The following CNGA2 variants were observed in gnomAD, a reference collection of about 807,000 sequenced individuals.
CNGA2 encodes the protein cyclic nucleotide gated channel subunit alpha 2, also known as cyclic nucleotide-gated channel alpha-2.
CNGA2 carries 22 observed loss-of-function variants against 35.9 expected under a neutral mutation model. That is an observed-to-expected ratio of 0.61 (90% CI 0.44 to 0.88). The LOEUF is 0.88. Ranked by LOEUF, CNGA2 falls within the 40% of genes least tolerant of loss-of-function variation. The probability of loss-of-function intolerance (pLI) is 0.00; values close to 1 mark genes in which losing one functional copy is unlikely to be tolerated. For synonymous variants in CNGA2, 217 were observed against 209.2 expected (o/e 1.04, Z -0.32); for missense variants, 555 against 530.8 (o/e 1.05, Z -0.45).
chrX:151,742,566 C>A lies in CNGA2; in HGVS notation c.513C>A (p.Tyr171Ter). The change falls in exon 6 of 7, where the codon TAC (tyrosine) becomes TAA (stop). Residue 171 changes from tyrosine (Y) to a stop codon, truncating the protein, a stop_gained. Coordinates refer to ENST00000329903, the MANE Select transcript of CNGA2 (RefSeq NM_005140.3). LOFTEE classifies it high-confidence loss of function. ...GCTTCAGTGACCTACAGAAAGGCTA[C>A]TACCTGGTGTGGCTGGTGCTGGATT... Reference protein sequence around the residue: ...RACFSDLQKGYYLVWLVLDYV... With the variant: ...RACFSDLQKG The A allele has an allele frequency of 8.3e-7, 1 of 1,210,222 alleles. No homozygotes were observed.
At chrX:151,740,030 G>A (rs751544626) in intron 4 of CNGA2, among the ~76,000 whole-genome samples, 15 of 112,479 alleles carry the variant, frequency 1.3e-4, no homozygotes, top group Non-Finnish European at 2.4e-4. Flanking sequence ...AGGAAATACT[G>A]AGAGGGTGCA....
In CNGA2 at chrX:151,743,566, T is replaced by G; in HGVS notation, c.1063T>G (p.Phe355Val). ...GGATGAGGAGTACCTATTTGTCATCTTTGACTTCCTGATTGGCGTCCTCAT... is the reference window on the plus strand; with the variant it reads ...GGATGAGGAGTACCTATTTGTCATCGTTGACTTCCTGATTGGCGTCCTCAT... ...VKDEEYLFVIFDFLIGVLIFA... is the reference protein window; with the variant it reads ...VKDEEYLFVIVDFLIGVLIFA... The change falls in exon 7 of 7, where the codon TTT becomes GTT. Residue 355 changes from phenylalanine to valine, a missense_variant. Coordinates refer to ENST00000329903, the MANE Select transcript of CNGA2 (RefSeq NM_005140.3). 8.3e-7 allele frequency: 1 copy of G among 1,211,468 alleles called. No homozygotes were observed. The highest frequency in any genetic ancestry group is 1.8e-5 in the South Asian group (1 of 56,932).
In CNGA2 at chrX:151,744,001, G is replaced by A; in HGVS notation, c.1498G>A (p.Ala500Thr). 2 of 1,211,660 alleles carry A rather than the reference G, an allele frequency of 1.7e-6. No homozygotes were observed. Among genetic ancestry groups the A allele is most frequent in the Non-Finnish European group, 2.2e-6 (2 of 895,533 alleles). ...GTACATCATTAAGGAGGGCAAACTG[G>A]CAGTGGTGGCTGATGATGGTGTGAC... ...EMYIIKEGKL[A>T]VVADDGVTQY... The change falls in exon 7 of 7, where the codon GCA becomes ACA. Residue 500 changes from alanine to threonine, a missense_variant. Coordinates refer to ENST00000329903, the MANE Select transcript of CNGA2 (RefSeq NM_005140.3).
chrX:151,740,891 C>T lies in CNGA2; in HGVS notation c.472C>T (p.Leu158=), dbSNP rs772623087. The T allele has an allele frequency of 8.3e-7, 1 of 1,209,003 alleles. No individual in the cohort carries two copies. Among genetic ancestry groups the T allele is most frequent in the Admixed American group, 2.2e-5 (1 of 46,043 alleles). ...GCCCGTCCTTTACAACTGGTGCCTGCTGGTGGCCAGGTGAGCAGGGTGGGG... is the reference window on the plus strand; with the variant it reads ...GCCCGTCCTTTACAACTGGTGCCTGTTGGTGGCCAGGTGAGCAGGGTGGGG... ...AMPVLYNWCL[L]VARACFSDLQ... Residue 158 remains leucine, a synonymous_variant, in exon 5 of 7, where the codon CTG becomes TTG. Coordinates refer to ENST00000329903, the MANE Select transcript of CNGA2 (RefSeq NM_005140.3).
rs59356030 is a variant in CNGA2 at position 151,744,358 on chromosome X, C to T, written c.1855C>T (p.Leu619=). Reference sequence around the variant, plus strand: ...CTTGTACACTCGCTTTGGCCGCCTGCTGGCTGAGTACACGGGGGCCCAGCA... The same window carrying T: ...CTTGTACACTCGCTTTGGCCGCCTGTTGGCTGAGTACACGGGGGCCCAGCA... ...ETLYTRFGRL[L]AEYTGAQQKL... is the part of the protein sequence containing the mutation. Residue 619 remains leucine, a synonymous_variant, in exon 7 of 7, where the codon CTG becomes TTG. Coordinates refer to ENST00000329903, the MANE Select transcript of CNGA2 (RefSeq NM_005140.3). 3,374 of 1,208,986 alleles carry T rather than the reference C, an allele frequency of 2.8e-3. 69 individuals carry two copies. The African/African-American group carries it at 0.051, about 18-fold the overall frequency.
Position 151,744,512 on chromosome X carries a change from A to G in CNGA2, c.*14A>G, listed in dbSNP as rs1393229866. On this transcript the variant is annotated 3_prime_UTR_variant, in exon 7 of 7. Transcript: ENST00000329903. ...GACGAGCCATAAGACCTGGGGCCCAACTGCCTCTCCAGCATTGGCCTTGGC... is the reference window on the plus strand; with the variant it reads ...GACGAGCCATAAGACCTGGGGCCCAGCTGCCTCTCCAGCATTGGCCTTGGC... 4.4e-6 allele frequency: 5 copies of G among 1,145,265 alleles called. No individual in the cohort carries two copies. The South Asian group carries it at 6.1e-5, about 14-fold the overall frequency. The allele number at this position is 1,145,265 out of a possible 1,213,427, so 94.4% of individuals were successfully genotyped here. A position where few individuals can be genotyped will look rare whatever the true frequency, so the allele number is the denominator to read the frequency against.
rs2015281807 is a variant in CNGA2, at chrX:151,739,547, T to G, written c.204-15T>G. The G allele has an allele frequency of 1.7e-6, 2 of 1,205,037 alleles. No homozygotes were observed. The highest frequency in any genetic ancestry group is 2.2e-6 in the Non-Finnish European group (2 of 891,028). Reference sequence around the variant, plus strand: ...GTCTTGGCTCTGGCTCATACTCTTTTTCTCTCACCTCTAGGATAGTTCGCC... The same window carrying G: ...GTCTTGGCTCTGGCTCATACTCTTTGTCTCTCACCTCTAGGATAGTTCGCC... On this transcript the variant is annotated splice_polypyrimidine_tract_variant and intron_variant, in intron 3 of 6. Coordinates refer to ENST00000329903, the MANE Select transcript of CNGA2 (RefSeq NM_005140.3).
chrX:151,742,925 G>GATATATATATAT (rs34829464), intron 6 of CNGA2, among the ~76,000 whole-genome samples, 168 bp from the exon 7 acceptor site: 1 of 61,440 alleles, frequency 1.6e-5, no homozygotes, highest in African/African-American at 1.0e-4. Context: ...TATAGGGAAG[G>GATATATATATAT]ATATATATAT....
At chrX:151,743,002 A>ATGTGTGTGTGTG (rs2015327821) in intron 6 of CNGA2, 91 bp from the exon 7 acceptor site, 1 of 82,880 alleles carries the variant, frequency 1.2e-5, no homozygotes, top group Non-Finnish European at 2.1e-5. Flanking sequence ...GTGTATATAT[A>ATGTGTGTGTGTG]TATACACATA....
chrX:151,737,765 G>A (rs2015262319), intron 1 of CNGA2, among the ~76,000 whole-genome samples: 1 of 110,268 alleles, frequency 9.1e-6, no homozygotes, highest in South Asian at 4.0e-4. Context: ...AACTGTTTAA[G>A]CCATCTTCCT....
chrX:151,742,927 T>TATATATATATATATATATATATACATAC (rs746065892), intron 6 of CNGA2, among the ~76,000 whole-genome samples, 166 bp from the exon 7 acceptor site: 13 of 78,474 alleles, frequency 1.7e-4, no homozygotes, highest in African/African-American at 6.0e-4. Flanking sequence ...TAGGGAAGGA[T>TATATATATATATATATATATATACATAC]ATATATATAT....
chrX:151,743,007 C>T (rs777699828), intron 6 of CNGA2, 86 bp from the exon 7 acceptor site: 72 of 4,070 alleles, frequency 0.018, 2 homozygotes, highest in African/African-American at 0.039. Context: ...TATATATATA[C>T]ACATATATAT....
chrX:151,742,214 C>T (rs1031540868), intron 5 of CNGA2, among the ~76,000 whole-genome samples: 5 of 112,218 alleles, frequency 4.5e-5, no homozygotes, highest in African/African-American at 1.6e-4. Flanking sequence ...CCATTGAGTG[C>T]TCAAATCCTG....
rs1332354840 is a variant in CNGA2, at chrX:151,743,157, C to A, written c.654C>A (p.Thr218=). ...AACTGCGAGACAACTACATCCACACCCTGCAGTTCAAGCTGGATGTGGCTT... is the reference window on the plus strand; with the variant it reads ...AACTGCGAGACAACTACATCCACACACTGCAGTTCAAGCTGGATGTGGCTT... ...TKKLRDNYIH[T]LQFKLDVASI... The change falls in exon 7 of 7, where the codon ACC becomes ACA. Residue 218 remains threonine, a synonymous_variant. Coordinates refer to ENST00000329903, the MANE Select transcript of CNGA2 (RefSeq NM_005140.3). 8.4e-7 allele frequency: 1 copy of A among 1,197,314 alleles called. No individual in the cohort carries two copies. Among genetic ancestry groups the A allele is most frequent in the Admixed American group, 2.3e-5 (1 of 44,151 alleles).
chrX:151,737,011 C>T (rs1255906474), intron 1 of CNGA2, among the ~76,000 whole-genome samples: 1 of 111,788 alleles, frequency 8.9e-6, no homozygotes, highest in Non-Finnish European at 1.9e-5. Flanking sequence ...CCCTCAAGTG[C>T]CCTCGTTACT....
At chrX:151,743,064 G>A (rs1025799922) in intron 6 of CNGA2, 29 bp from the exon 7 acceptor site, 3 of 841,948 alleles carry the variant, frequency 3.6e-6, no homozygotes, top group Non-Finnish European at 3.2e-6. Context: ...TGAGGGCAGA[G>A]ATGACATGCT....
chrX:151,743,006 A>ATATATATGTG (rs2015328118), intron 6 of CNGA2, 87 bp from the exon 7 acceptor site: 1 of 42,222 alleles, frequency 2.4e-5, no homozygotes, highest in African/African-American at 2.4e-4. Flanking sequence ...ATATATATAT[A>ATATATATGTG]CACATATATA....
intron 3 of CNGA2, among the ~76,000 whole-genome samples, chrX:151,739,264 C>T (rs971358876): frequency 8.9e-6 from 1 of 112,187 alleles, no homozygotes; most frequent in Non-Finnish European, 1.9e-5. Flanking sequence ...CCAACTTTCC[C>T]TGAAGACCTC....
In CNGA2 at chrX:151,744,228, G is replaced by A. The variant is rs1008520009; in HGVS notation, c.1725G>A (p.Arg575=). 2.6e-5 allele frequency: 31 copies of A among 1,207,992 alleles called. No individual in the cohort carries two copies. Among genetic ancestry groups the A allele is most frequent in the Non-Finnish European group, 3.4e-5 (30 of 894,875 alleles). ...DAKKVLEERG[R]EILMKEGLLD... ...AGAAAGTCCTAGAAGAGAGGGGTCG[G>A]GAGATCCTCATGAAGGAGGGACTGC... Residue 575 remains arginine (R), a synonymous_variant, in exon 7 of 7, where the codon CGG becomes CGA. Transcript: ENST00000329903.
Sources: allele counts gnomAD v4.1 joint callset (sites outside exome capture counted in the v4.1 genomes callset), GRCh38; gene constraint gnomAD v4.1.1; transcripts MANE v1.5; gene names NCBI Gene and HGNC (gene_info 2026-07-23, HGNC 2026-07-21).